NHSL1: variants seen among roughly 807,000 people sequenced by gnomAD.
NHSL1 encodes the protein NHS-like protein 1.
A neutral mutation model predicts 95.0 loss-of-function variants in NHSL1; 48 were observed. The observed-to-expected ratio is 0.51, with a 90% CI of 0.40 to 0.64. The LOEUF is 0.64. Ranked by LOEUF, NHSL1 falls within the 30% of genes least tolerant of loss-of-function variation. NHSL1 has a pLI of 0.00. For synonymous variants in NHSL1, 783 were observed against 833.9 expected, an observed-to-expected ratio of 0.94 and a Z score of 1.05; for missense variants, 1,971 against 2,077.7, an observed-to-expected ratio of 0.95 and a Z score of 1.00.
At chr6:138,690,106 T>G (rs1167651717) in intron 1 of NHSL1, among the ~76,000 whole-genome samples, 1 of 152,192 alleles carries the variant, frequency 6.6e-6, no homozygotes, top group Non-Finnish European at 1.5e-5. Context: ...GGGTAAGAAT[T>G]CACGAAATGG....
intron 5 of NHSL1, among the ~76,000 whole-genome samples, chr6:138,437,345 CATATATAT>C (rs369191897): frequency 1.0e-5 from 1 of 96,428 alleles, no homozygotes; most frequent in African/African-American, 4.5e-5. Context: ...TATATATACA[CATATATAT>C]ATACACATAT....
intron 1 of NHSL1, among the ~76,000 whole-genome samples, chr6:138,533,043 G>A (rs1350395348): frequency 1.3e-5 from 2 of 152,176 alleles, no homozygotes; most frequent in Non-Finnish European, 2.9e-5. Flanking sequence ...GGTGCACTCT[G>A]ACTTGGGGTC....
At chr6:138,474,409 C>T (rs541043633) in intron 2 of NHSL1, among the ~76,000 whole-genome samples, 1 of 152,096 alleles carries the variant, frequency 6.6e-6, no homozygotes, top group African/African-American at 2.4e-5. Flanking sequence ...ATGATTCTTC[C>T]TCAAAGAGGA....
intron 1 of NHSL1, among the ~76,000 whole-genome samples, chr6:138,666,894 A>G (rs1785302748): frequency 6.6e-6 from 1 of 152,222 alleles, no homozygotes; most frequent in Admixed American, 6.5e-5. Flanking sequence ...TACCACCAAT[A>G]AGAGTACAGA....
At chr6:138,425,106 T>C (rs1583122146) in intron 7 of NHSL1, among the ~76,000 whole-genome samples, 2 of 152,310 alleles carry the variant, frequency 1.3e-5, no homozygotes, top group South Asian at 4.1e-4. Flanking sequence ...TAATTTATTT[T>C]ATTTTTTTGA....
At chr6:138,426,804 T>C (rs1402778973) in intron 7 of NHSL1, among the ~76,000 whole-genome samples, 1 of 152,126 alleles carries the variant, frequency 6.6e-6, no homozygotes, top group Non-Finnish European at 1.5e-5. Context: ...TCTTTGGGAC[T>C]GCAGAACATG....
At chr6:138,591,523 C>T (rs1784227852) in intron 1 of NHSL1, among the ~76,000 whole-genome samples, 1 of 152,150 alleles carries the variant, frequency 6.6e-6, no homozygotes. Flanking sequence ...CTCAAGCAAT[C>T]CTCCCACCTC....
At chr6:138,488,972 G>A (rs1390015954) in intron 2 of NHSL1, among the ~76,000 whole-genome samples, 2 of 152,106 alleles carry the variant, frequency 1.3e-5, no homozygotes, top group African/African-American at 4.8e-5. Flanking sequence ...GCATTCTAGG[G>A]GTCTTTCAGA....
chr6:138,667,032 T>C (rs1382385549), intron 1 of NHSL1, among the ~76,000 whole-genome samples: 1 of 152,224 alleles, frequency 6.6e-6, no homozygotes. Context: ...AAAAGAATGC[T>C]TTCACTGAAA....
chr6:138,581,309 T>G (rs1215301955), intron 1 of NHSL1, among the ~76,000 whole-genome samples: 2 of 152,154 alleles, frequency 1.3e-5, no homozygotes, highest in African/African-American at 4.8e-5. Context: ...TTTTTTGGTG[T>G]TGTTCATAAA....
At chr6:138,425,240 T>C (rs1280147065) in intron 7 of NHSL1, among the ~76,000 whole-genome samples, 4 of 152,114 alleles carry the variant, frequency 2.6e-5, no homozygotes, top group Non-Finnish European at 4.4e-5. Context: ...TACAGGCACC[T>C]GCCACCATGC....
chr6:138,603,591 C>T (rs1268088111), intron 1 of NHSL1, among the ~76,000 whole-genome samples: 1 of 152,286 alleles, frequency 6.6e-6, no homozygotes, highest in African/African-American at 2.4e-5. Context: ...CCTCAAGGGG[C>T]TCAAAGTCTA....
At chr6:138,447,266 T>C in intron 3 of NHSL1, 73 bp from the exon 4 acceptor site, 1 of 1,289,820 alleles carries the variant, frequency 7.8e-7, no homozygotes, top group Non-Finnish European at 1.1e-6. Flanking sequence ...ATATTTCTTA[T>C]TTTTAAAAAA....
At chr6:138,639,645 A>G (rs1784933584) in intron 1 of NHSL1, among the ~76,000 whole-genome samples, 1 of 151,404 alleles carries the variant, frequency 6.6e-6, no homozygotes, top group Non-Finnish European at 1.5e-5. Context: ...CCGTCTCAAA[A>G]AAAAAAAAAA....
intron 1 of NHSL1, among the ~76,000 whole-genome samples, chr6:138,649,804 G>T (rs990041974): frequency 1.3e-5 from 2 of 152,198 alleles, no homozygotes; most frequent in African/African-American, 4.8e-5. Context: ...TACGAAGAAG[G>T]AGAATGATGC....
At chr6:138,598,067 G>A (rs1395813381) in intron 1 of NHSL1, among the ~76,000 whole-genome samples, 3 of 151,172 alleles carry the variant, frequency 2.0e-5, no homozygotes, top group African/African-American at 7.3e-5. Context: ...CTCGGAGGCC[G>A]AGGCAGGAGG....
intron 1 of NHSL1, among the ~76,000 whole-genome samples, chr6:138,647,326 C>T (rs760978948): frequency 4.6e-5 from 7 of 152,176 alleles, no homozygotes; most frequent in Admixed American, 6.5e-5. Flanking sequence ...AATTTTAAAT[C>T]GTGACAATTA....
At chr6:138,660,439 A>C (rs984126260) in intron 1 of NHSL1, among the ~76,000 whole-genome samples, 8 of 152,140 alleles carry the variant, frequency 5.3e-5, no homozygotes, top group Admixed American at 4.6e-4. Flanking sequence ...AGAGAAAAAT[A>C]TAGACCCTGA....
At chr6:138,499,812 T>C (rs1472176894), upstream of NHSL1, among the ~76,000 whole-genome samples, 2 of 152,106 alleles carry the variant, frequency 1.3e-5, no homozygotes, top group Non-Finnish European at 2.9e-5. Context: ...TAATTCAGGG[T>C]ATATGGGATT....
Sources: allele counts gnomAD v4.1 joint callset (sites outside exome capture counted in the v4.1 genomes callset), GRCh38; gene constraint gnomAD v4.1.1; transcripts MANE v1.5; gene names NCBI Gene and HGNC (gene_info 2026-07-23, HGNC 2026-07-21).